The following DOCK8 variants were observed in gnomAD, a reference collection of about 807,000 sequenced individuals.
DOCK8 encodes dedicator of cytokinesis 8, also known as dedicator of cytokinesis protein 8.
Under a neutral mutation model 245.6 loss-of-function variants are expected in DOCK8, and 141 were observed. The ratio of observed to expected loss-of-function variants is 0.57; its 90% confidence interval spans 0.50 to 0.66. The LOEUF is 0.66. Ranked by LOEUF, DOCK8 falls within the 30% of genes least tolerant of loss-of-function variation. The pLI is 0.00. For missense variants in DOCK8, 2,965 were observed against 2,603.4 expected (o/e 1.14, Z -3.02); for synonymous variants, 1,168 against 970.2 (o/e 1.20, Z -3.79).
chr9:406,538 AAC>A (rs1486759712), intron 27 of DOCK8, among the ~76,000 whole-genome samples: 1 of 151,596 alleles, frequency 6.6e-6, no homozygotes, highest in African/African-American at 2.4e-5. Flanking sequence ...CAGGGCCTTA[AAC>A]AAAGGGGGCA....
intron 1 of DOCK8, among the ~76,000 whole-genome samples, chr9:242,813 T>C (rs2047406255): frequency 6.8e-6 from 1 of 146,586 alleles, no homozygotes; most frequent in Non-Finnish European, 1.5e-5. Flanking sequence ...TGAGCTTGTT[T>C]TTTTTTTTTT....
intron 40 of DOCK8, 138 bp from the exon 41 acceptor site, chr9:441,148 C>G: frequency 1.6e-6 from 2 of 1,289,238 alleles, no homozygotes; most frequent in Non-Finnish European, 2.2e-6. Context: ...GCTCAGATAC[C>G]CCTTCTTGCC....
At chr9:413,137 G>C (rs2055823530) in intron 28 of DOCK8, among the ~76,000 whole-genome samples, 2 of 152,114 alleles carry the variant, frequency 1.3e-5, no homozygotes, top group African/African-American at 2.4e-5. Flanking sequence ...TTTGACAAGA[G>C]TGCCAAAACA....
intron 1 of DOCK8, among the ~76,000 whole-genome samples, chr9:219,620 G>C (rs7047741): frequency 0.032 from 4,942 of 152,220 alleles, 230 homozygotes; most frequent in African/African-American, 0.11. Context: ...CCACAGGCTG[G>C]GCATGGTGGC....
intron 26 of DOCK8, among the ~76,000 whole-genome samples, chr9:400,415 C>T (rs1489745276): frequency 1.4e-5 from 1 of 71,666 alleles, no homozygotes; most frequent in Admixed American, 1.4e-4. Context: ...ATCACCACCA[C>T]CACCTCCACC....
chr9:267,434 G>A (rs918143176), intron 1 of DOCK8, among the ~76,000 whole-genome samples: 2 of 152,138 alleles, frequency 1.3e-5, no homozygotes, highest in African/African-American at 2.4e-5. Context: ...TCAAACTCCC[G>A]AGCTCAAGTG....
intron 1 of DOCK8, among the ~76,000 whole-genome samples, chr9:252,505 A>T (rs1354246698): frequency 1.3e-5 from 2 of 152,006 alleles, no homozygotes; most frequent in African/African-American, 4.8e-5. Flanking sequence ...TTTATTTTTT[A>T]AAAAATTCCT....
At chr9:267,667 C>T (rs562353465) in intron 1 of DOCK8, among the ~76,000 whole-genome samples, 54 of 152,196 alleles carry the variant, frequency 3.5e-4, no homozygotes, top group Non-Finnish European at 5.7e-4. Flanking sequence ...TTTAGTTGCT[C>T]ATACTATTTT....
In DOCK8 at chr9:343,674, C is replaced by T. The variant is rs2051722341; in HGVS notation, c.1679+3353C>T. 2.0e-5 allele frequency among the ~76,000 whole-genome samples: 3 copies of T among 152,112 alleles called. No individual in the cohort carries two copies. In the South Asian group the frequency reaches 6.2e-4, roughly 32 times the overall value. ...CATCTAAACTTAGTCCCCACGTCTCCCTCCTAGAGGAGATAAGCATTCTCA... is the reference window on the plus strand; with the variant it reads ...CATCTAAACTTAGTCCCCACGTCTCTCTCCTAGAGGAGATAAGCATTCTCA... On this transcript the variant is annotated intron_variant, in intron 14 of 47. Coordinates refer to ENST00000432829, the MANE Select transcript of DOCK8 (RefSeq NM_203447.4).
At chr9:273,981 C>G (rs569712612) in intron 2 of DOCK8, among the ~76,000 whole-genome samples, 4 of 152,262 alleles carry the variant, frequency 2.6e-5, no homozygotes, top group African/African-American at 9.6e-5. Context: ...GCTGGGATTA[C>G]GAGCATGAGC....
At chr9:432,116 C>T in intron 36 of DOCK8, 50 bp from the exon 37 acceptor site, 1 of 1,596,128 alleles carries the variant, frequency 6.3e-7, no homozygotes. Flanking sequence ...TTATCTACTG[C>T]TAAGTGTGTC....
At chr9:334,085 AT>A in intron 10 of DOCK8, 139 bp from the exon 11 acceptor site, 1 of 929,020 alleles carries the variant, frequency 1.1e-6, no homozygotes, top group Non-Finnish European at 1.7e-6. Flanking sequence ...CACTGTTTTT[AT>A]TTTTTAGTGG....
intron 39 of DOCK8, among the ~76,000 whole-genome samples, chr9:437,757 G>A (rs1008660968): frequency 2.6e-5 from 4 of 152,214 alleles, no homozygotes; most frequent in Non-Finnish European, 5.9e-5. Flanking sequence ...CCAGGAAACT[G>A]AGATCACTGA....
chr9:272,266 A>G (rs2048184485), intron 2 of DOCK8, among the ~76,000 whole-genome samples: 1 of 152,120 alleles, frequency 6.6e-6, no homozygotes. Context: ...AGCGTTCCCC[A>G]GCGCGCTTTT....
Position 434,769 on chromosome 9 carries a change from C to G in DOCK8, c.4887-14C>G. Reference sequence around the variant, plus strand: ...ACTGTCCTCAAAACTACTTCTCACTCAATCTGTCTTCAGAATTGCCAAGAG... The same window carrying G: ...ACTGTCCTCAAAACTACTTCTCACTGAATCTGTCTTCAGAATTGCCAAGAG... On this transcript the variant is annotated splice_polypyrimidine_tract_variant and intron_variant, in intron 38 of 47. Transcript: ENST00000432829. 1 of 1,613,720 alleles carries G rather than the reference C, an allele frequency of 6.2e-7. No individual in the cohort carries two copies. Among genetic ancestry groups the G allele is most frequent in the Non-Finnish European group, 8.5e-7 (1 of 1,179,962 alleles).
chr9:334,516 G>C, intron 11 of DOCK8, 132 bp downstream of exon 11: 1 of 949,488 alleles, frequency 1.1e-6, no homozygotes, highest in Non-Finnish European at 1.6e-6. Flanking sequence ...TAAATAGAAT[G>C]AAACACTGTT....
At chr9:426,055 C>A (rs1018914375) in intron 33 of DOCK8, among the ~76,000 whole-genome samples, 4 of 152,138 alleles carry the variant, frequency 2.6e-5, no homozygotes, top group African/African-American at 9.7e-5. Flanking sequence ...GCTACTGAGG[C>A]ATCTTGGTAA....
intron 20 of DOCK8, among the ~76,000 whole-genome samples, chr9:378,555 C>T (rs1377600571): frequency 1.3e-5 from 2 of 152,234 alleles, no homozygotes; most frequent in Non-Finnish European, 2.9e-5. Context: ...TAGCAGTTGC[C>T]TCTCCAGCTA....
At chr9:284,752 C>T (rs2048740200) in intron 2 of DOCK8, among the ~76,000 whole-genome samples, 2 of 152,176 alleles carry the variant, frequency 1.3e-5, no homozygotes, top group African/African-American at 2.4e-5. Flanking sequence ...CCATGGAATA[C>T]TATGCAGCCA....
Sources: allele counts gnomAD v4.1 joint callset (sites outside exome capture counted in the v4.1 genomes callset), GRCh38; gene constraint gnomAD v4.1.1; transcripts MANE v1.5; gene names NCBI Gene and HGNC (gene_info 2026-07-23, HGNC 2026-07-21).